The following DKK2 variants were observed in gnomAD, a reference collection of about 807,000 sequenced individuals.
The protein encoded by DKK2 is dickkopf-related protein 2.
A neutral mutation model predicts 28.1 loss-of-function variants in DKK2; 11 were observed. The ratio of observed to expected loss-of-function variants is 0.39; its 90% CI spans 0.25 to 0.65. The LOEUF is 0.65. Among genes scored for constraint, DKK2 ranks in the 30% least tolerant of loss-of-function variants. The probability of loss-of-function intolerance (pLI) is 0.47; values close to 1 mark genes in which losing one functional copy is unlikely to be tolerated. For missense variants in DKK2, 326 were observed against 335.5 expected, an observed-to-expected ratio of 0.97 and a Z score of 0.22; for synonymous variants, 135 against 126.5, an observed-to-expected ratio of 1.07 and a Z score of -0.45.
Position 106,923,734 on chromosome 4 carries a change from A to T in DKK2, c.*220T>A. 2 of 580,962 alleles carry T rather than the reference A, an allele frequency of 3.4e-6. No homozygotes were observed. The highest frequency in any genetic ancestry group is 5.9e-6 in the Non-Finnish European group (2 of 338,578). 36.0% of individuals were successfully genotyped at this position (580,962 alleles called of 1,614,324 possible). ...CCACAAATGTGTACATTATTTACATAGACAAGTTGCATAATGGAAACACTG... is the reference window on the plus strand; with the variant it reads ...CCACAAATGTGTACATTATTTACATTGACAAGTTGCATAATGGAAACACTG... On this transcript the variant is annotated 3_prime_UTR_variant, in exon 4 of 4. Transcript: ENST00000285311.
At position 106,924,990 on chromosome 4, in the gene DKK2, G is replaced by C. The variant is rs111954130; in HGVS notation, c.374-290C>G. Among the ~76,000 whole-genome samples, 373 of 152,268 alleles carry C rather than the reference G, an allele frequency of 2.4e-3. 1 individual carries two copies. Among genetic ancestry groups the C allele is most frequent in the African/African-American group, 8.1e-3 (336 of 41,550 alleles). On this transcript the variant is annotated intron_variant, in intron 2 of 3. Transcript: ENST00000285311. ...CAAAGTTATTGTGAATATATGTGAA[G>C]AATCAATGTTAGCTATTACTATTTT...
intron 1 of DKK2, among the ~76,000 whole-genome samples, chr4:107,005,499 T>C (rs1431049061): frequency 1.3e-5 from 2 of 152,140 alleles, no homozygotes; most frequent in Non-Finnish European, 2.9e-5. Flanking sequence ...ATCTGCTTCT[T>C]CCTTCTTGAT....
At chr4:106,965,397 A>G (rs933053053) in intron 1 of DKK2, among the ~76,000 whole-genome samples, 8 of 152,272 alleles carry the variant, frequency 5.3e-5, no homozygotes, top group South Asian at 2.1e-4. Context: ...TTTCTCAAGA[A>G]TGTCAAAGCC....
chr4:106,990,738 G>T (rs1723191044), intron 1 of DKK2, among the ~76,000 whole-genome samples: 1 of 152,034 alleles, frequency 6.6e-6, no homozygotes, highest in Admixed American at 6.6e-5. Flanking sequence ...AACTCAACTG[G>T]CAACCAGAGG....
chr4:106,958,067 T>G (rs1722627432), intron 1 of DKK2, among the ~76,000 whole-genome samples: 1 of 150,826 alleles, frequency 6.6e-6, no homozygotes, highest in South Asian at 2.1e-4. Flanking sequence ...ATTTCAAAAC[T>G]TTTTTTGCAG....
Position 106,924,598 on chromosome 4 carries a change from T to G in DKK2, c.476A>C (p.Asp159Ala), listed in dbSNP as rs143888191. 1.9e-6 allele frequency: 3 copies of G among 1,613,834 alleles called. No homozygotes were observed. The highest frequency in any genetic ancestry group is 2.5e-6 in the Non-Finnish European group (3 of 1,179,888). Reference protein sequence around the residue: ...DRNHGHYSNHDLGWQNLGRPH... With the variant: ...DRNHGHYSNHALGWQNLGRPH... The stretch of plus-strand genomic sequence containing the variant: ...TCTTCCTAGATTCTGCCATCCCAAG[T>G]CATGGTTTGAGTAATGACCGTGGTT... Residue 159 changes from aspartate to alanine, a missense_variant, in exon 3 of 4, where the codon GAC (aspartate) becomes GCC (alanine). Asp to Ala is a moderately radical substitution (Grantham distance 126, BLOSUM62 -2). Transcript: ENST00000285311.
chr4:106,985,514 A>G (rs116806881), intron 1 of DKK2, among the ~76,000 whole-genome samples: 2,931 of 152,188 alleles, frequency 0.019, 41 homozygotes, highest in Middle Eastern at 0.038. Context: ...AGTTTAACTA[A>G]AATTAAGACG....
chr4:106,979,893 T>C (rs934810466), intron 1 of DKK2, among the ~76,000 whole-genome samples: 4 of 152,208 alleles, frequency 2.6e-5, no homozygotes, highest in East Asian at 1.9e-4. Flanking sequence ...CTTTTATAAG[T>C]GGTCAAATAG....
intron 2 of DKK2, among the ~76,000 whole-genome samples, chr4:106,925,432 C>G (rs1724411018): frequency 6.6e-6 from 1 of 152,128 alleles, no homozygotes; most frequent in South Asian, 2.1e-4. Context: ...TTGACTAAAC[C>G]CAAAGCACAA....
rs919001252 is a variant in DKK2 at position 107,018,417 on chromosome 4, G to C, written c.222+16953C>G. Among the ~76,000 whole-genome samples the C allele has an allele frequency of 2.0e-5, 3 of 152,018 alleles. No homozygotes were observed. In the East Asian group the frequency reaches 5.8e-4, roughly 29 times the overall value. On this transcript the variant is annotated intron_variant, in intron 1 of 3. Coordinates refer to ENST00000285311, the MANE Select transcript of DKK2 (RefSeq NM_014421.3). Reference sequence around the variant, plus strand: ...TCTTAAAAGAGAAAGCTCAGAACTCGGTTGTAACATCCCTAGCCTTTCTCT... The same window carrying C: ...TCTTAAAAGAGAAAGCTCAGAACTCCGTTGTAACATCCCTAGCCTTTCTCT...
chr4:107,023,377 A>C (rs1468626396), intron 1 of DKK2, among the ~76,000 whole-genome samples: 1 of 152,072 alleles, frequency 6.6e-6, no homozygotes, highest in African/African-American at 2.4e-5. Flanking sequence ...TAAGTGAAAG[A>C]AGCCAATCTG....
chr4:106,981,538 C>G (rs984306598), intron 1 of DKK2, among the ~76,000 whole-genome samples: 1 of 152,124 alleles, frequency 6.6e-6, no homozygotes, highest in African/African-American at 2.4e-5. Context: ...GAATTTCCCC[C>G]TTTTTAACTA....
intron 1 of DKK2, among the ~76,000 whole-genome samples, chr4:106,998,602 G>A (rs757644170): frequency 7.9e-5 from 12 of 151,868 alleles, no homozygotes; most frequent in Non-Finnish European, 1.5e-4. Flanking sequence ...TTATGTAAAC[G>A]GAATAATTTT....
intron 1 of DKK2, among the ~76,000 whole-genome samples, chr4:106,995,828 G>T (rs1723264492): frequency 1.3e-5 from 2 of 152,134 alleles, no homozygotes; most frequent in South Asian, 4.1e-4. Flanking sequence ...AGCCAGGATG[G>T]TTTCAATCTC....
chr4:106,994,615 A>T (rs1723246899), intron 1 of DKK2, among the ~76,000 whole-genome samples: 1 of 152,196 alleles, frequency 6.6e-6, no homozygotes, highest in South Asian at 2.1e-4. Flanking sequence ...AAGAAAAAAT[A>T]ACTGGGGGAG....
intron 1 of DKK2, among the ~76,000 whole-genome samples, chr4:107,010,369 A>G (rs1240011169): frequency 1.6e-4 from 24 of 151,730 alleles, no homozygotes; most frequent in Admixed American, 1.6e-3. Flanking sequence ...CTAAGTTGAA[A>G]TAATCTACTA....
intron 1 of DKK2, among the ~76,000 whole-genome samples, chr4:106,992,214 G>A (rs1253166509): frequency 6.6e-6 from 1 of 152,184 alleles, no homozygotes; most frequent in Non-Finnish European, 1.5e-5. Context: ...GATGAAAGAT[G>A]TTCATTAGGA....
chr4:107,019,060 A>T (rs887032405), intron 1 of DKK2, among the ~76,000 whole-genome samples: 2 of 151,932 alleles, frequency 1.3e-5, no homozygotes, highest in African/African-American at 4.8e-5. Flanking sequence ...CTTGAATATT[A>T]TGGTCATTTT....
At chr4:106,991,716 C>T (rs1240768215) in intron 1 of DKK2, among the ~76,000 whole-genome samples, 4 of 152,200 alleles carry the variant, frequency 2.6e-5, no homozygotes, top group Admixed American at 6.5e-5. Context: ...TACACACATA[C>T]ATGCACACAC....
Sources: gnomAD v4.1 joint callset for allele counts (sites outside exome capture counted in the v4.1 genomes callset) on GRCh38, gnomAD v4.1.1 for gene constraint, MANE v1.5 for transcripts, NCBI Gene and HGNC (gene_info 2026-07-23, HGNC 2026-07-21) for gene names.